The following TOR1AIP2 variants were observed in gnomAD, a reference collection of about 807,000 sequenced individuals.
TOR1AIP2 encodes the protein torsin-1A-interacting protein 2.
A neutral mutation model predicts 32.6 loss-of-function variants in TOR1AIP2; 20 were observed. The ratio of observed to expected loss-of-function variants is 0.61; its 90% CI spans 0.43 to 0.89. The LOEUF (loss-of-function observed/expected upper bound fraction) is 0.89, where lower values mean the gene tolerates loss of function less well. TOR1AIP2 is among the 40% of genes least tolerant of loss of function. The pLI is 0.00. For synonymous variants in TOR1AIP2, 214 were observed against 210.8 expected (o/e 1.02, Z -0.13); for missense variants, 456 against 553.8 (o/e 0.82, Z 1.77).
intron 3 of TOR1AIP2, among the ~76,000 whole-genome samples, chr1:179,858,433 A>T (rs1195292333): frequency 1.4e-5 from 2 of 146,184 alleles, no homozygotes; most frequent in Non-Finnish European, 2.9e-5. Context: ...AAGTTTCCTT[A>T]AAAAAATAAA....
In TOR1AIP2 at chr1:179,846,691, T is replaced by C. The variant is rs1695919760; in HGVS notation, c.793A>G (p.Lys265Glu). 1.9e-6 allele frequency: 3 copies of C among 1,614,074 alleles called. No individual in the cohort carries two copies. The highest frequency in any genetic ancestry group is 1.3e-5 in the African/African-American group (1 of 74,922). ...FLAQFSQLED[K>E]FPGQSSFLWQ... ...AGGAAGGAACTCTGGCCTGGAAATT[T>C]ATCTTCCAATTGGCTAAACTGGGCC... Residue 265 changes from lysine (K) to glutamate (E), a missense_variant, in exon 7 of 7, where the codon AAA (lysine) becomes GAA (glutamate). Physicochemically the swap from Lys to Glu is moderately conservative, Grantham distance 56. Transcript: ENST00000609928.
chr1:179,859,940 G>C (rs1165316730), intron 3 of TOR1AIP2: 1 of 697,166 alleles, frequency 1.4e-6, no homozygotes, highest in East Asian at 1.3e-4. Flanking sequence ...AGGCTCAAGT[G>C]ATCCTCCCAC....
chr1:179,859,700 A>T (rs1466654192), intron 3 of TOR1AIP2: 2 of 985,298 alleles, frequency 2.0e-6, no homozygotes, highest in Non-Finnish European at 2.4e-6. Context: ...TTGTGACAAA[A>T]ATCTGCCTTC....
At chr1:179,849,315 C>T (rs534283483) in intron 5 of TOR1AIP2, among the ~76,000 whole-genome samples, 4 of 152,082 alleles carry the variant, frequency 2.6e-5, no homozygotes, top group South Asian at 4.2e-4. Context: ...GCTGAAATTT[C>T]GGCTCACCAC....
chr1:179,868,754 C>T (rs1432634837), intron 2 of TOR1AIP2: 1 of 151,922 alleles, frequency 6.6e-6, no homozygotes, highest in Admixed American at 6.6e-5. Context: ...ATGCAAGTAG[C>T]ACAAGGAAAA....
intron 3 of TOR1AIP2, chr1:179,864,091 G>C (rs1696668715): frequency 3.0e-6 from 3 of 985,408 alleles, no homozygotes; most frequent in South Asian, 9.4e-5. Flanking sequence ...TTTATGTAAA[G>C]CCACGTAAGT....
chr1:179,847,734 A>G, intron 5 of TOR1AIP2, 98 bp from the exon 6 acceptor site: 1 of 866,576 alleles, frequency 1.2e-6, no homozygotes, highest in Non-Finnish European at 1.9e-6. Context: ...GATTTGACTA[A>G]AAGGCTTTCT....
chr1:179,856,581 C>A (rs1228483709), intron 3 of TOR1AIP2, among the ~76,000 whole-genome samples: 2 of 152,112 alleles, frequency 1.3e-5, no homozygotes, highest in African/African-American at 4.8e-5. Flanking sequence ...GGCAGGGTAT[C>A]TGAGAGATCT....
At chr1:179,860,517 A>C in intron 3 of TOR1AIP2, 1 of 985,526 alleles carries the variant, frequency 1.0e-6, no homozygotes, top group South Asian at 4.7e-5. Context: ...ACTCTACCTT[A>C]TTCCCCAGTT....
At chr1:179,864,664 A>G (rs879312289) in intron 3 of TOR1AIP2, 11 of 1,485,324 alleles carry the variant, frequency 7.4e-6, no homozygotes, top group Non-Finnish European at 8.9e-6. Flanking sequence ...CAACAATTTA[A>G]GCAGTTCCCA....
At chr1:179,867,357 GACTAGAT>G in intron 2 of TOR1AIP2, among the ~76,000 whole-genome samples, 1 of 152,278 alleles carries the variant, frequency 6.6e-6, no homozygotes, top group South Asian at 2.1e-4. Context: ...CCGACTCAAT[GACTAGAT>G]ACTTGGTGCT....
At chr1:179,848,791 G>GA (rs1696011843) in intron 5 of TOR1AIP2, among the ~76,000 whole-genome samples, 1 of 151,966 alleles carries the variant, frequency 6.6e-6, no homozygotes, top group African/African-American at 2.4e-5. Context: ...AACCTATCAT[G>GA]AAAAAAGGTC....
At chr1:179,861,673 T>A (rs1435758918) in intron 3 of TOR1AIP2, 1 of 985,304 alleles carries the variant, frequency 1.0e-6, no homozygotes, top group African/African-American at 1.7e-5. Context: ...CAGTCTGACA[T>A]GAAATCTCTT....
At chr1:179,876,422 G>A (rs540727754) in intron 2 of TOR1AIP2, among the ~76,000 whole-genome samples, 3 of 152,108 alleles carry the variant, frequency 2.0e-5, no homozygotes, top group South Asian at 2.1e-4. Context: ...GCAAGGTTGC[G>A]TAACAAACCA....
intron 3 of TOR1AIP2, among the ~76,000 whole-genome samples, chr1:179,854,997 A>G (rs1246915969): frequency 6.6e-6 from 1 of 152,220 alleles, no homozygotes; most frequent in Non-Finnish European, 1.5e-5. Context: ...AAATTGGCCA[A>G]TTCACAAAAG....
chr1:179,844,980 G>A lies in TOR1AIP2; in HGVS notation c.*1091C>T, dbSNP rs571268254. The A allele has an allele frequency of 2.0e-5, 3 of 152,262 alleles. No homozygotes were observed. Among genetic ancestry groups the A allele is most frequent in the East Asian group, 3.9e-4 (2 of 5,178 alleles). 9.4% of individuals were successfully genotyped at this position (152,262 alleles called of 1,614,324 possible). A position where few individuals can be genotyped will look rare whatever the true frequency, so the allele number is the denominator to read the frequency against. ...TCCATGCAGAGGGGACAGAAATGACGATTAACAGAAATGAACAAAAGCATC... is the reference window on the plus strand; with the variant it reads ...TCCATGCAGAGGGGACAGAAATGACAATTAACAGAAATGAACAAAAGCATC... On this transcript the variant is annotated 3_prime_UTR_variant, in exon 7 of 7. Transcript: ENST00000609928.
chr1:179,847,725 A>T, intron 5 of TOR1AIP2, 89 bp from the exon 6 acceptor site: 2 of 924,650 alleles, frequency 2.2e-6, no homozygotes, highest in Admixed American at 4.0e-5. Context: ...CCAAAGAATG[A>T]TTTGACTAAA....
chr1:179,873,495 C>T (rs1354129995), intron 2 of TOR1AIP2, among the ~76,000 whole-genome samples: 5 of 152,202 alleles, frequency 3.3e-5, no homozygotes, highest in African/African-American at 1.2e-4. Flanking sequence ...TGTCTCATTA[C>T]TGGTGATGTT....
intron 2 of TOR1AIP2, chr1:179,868,515 G>A (rs1696882221): frequency 1.3e-5 from 2 of 152,108 alleles, no homozygotes; most frequent in South Asian, 4.1e-4. Flanking sequence ...CTGAAGATGT[G>A]CATTTCCTAT....
Sources: gnomAD v4.1 joint callset for allele counts (sites outside exome capture counted in the v4.1 genomes callset) on GRCh38, gnomAD v4.1.1 for gene constraint, MANE v1.5 for transcripts, NCBI Gene and HGNC (gene_info 2026-07-23, HGNC 2026-07-21) for gene names.